The following DNAH14 variants were observed in gnomAD, a reference collection of about 807,000 sequenced individuals.
DNAH14 encodes axonemal beta dynein heavy chain 14.
A neutral mutation model predicts 520.9 loss-of-function variants in DNAH14; 478 were observed. The ratio of observed to expected loss-of-function variants is 0.92; its 90% confidence interval spans 0.85 to 0.99. The LOEUF (loss-of-function observed/expected upper bound fraction) is 0.99, where lower values mean the gene tolerates loss of function less well. DNAH14 is among the 50% of genes least tolerant of loss of function. DNAH14 has a pLI of 0.00. For missense variants in DNAH14, 4,831 were observed against 5,234.5 expected, an observed-to-expected ratio of 0.92 and a Z score of 2.38; for synonymous variants, 1,581 against 1,757.2, an observed-to-expected ratio of 0.90 and a Z score of 2.51.
chr1:225,282,476 A>G (rs924527874), intron 54 of DNAH14, among the ~76,000 whole-genome samples: 1 of 152,226 alleles, frequency 6.6e-6, no homozygotes, highest in Non-Finnish European at 1.5e-5. Context: ...AGGTTCCCCC[A>G]TAAGAAGGCC....
chr1:225,299,538 C>T (rs1032767281), intron 55 of DNAH14, among the ~76,000 whole-genome samples: 1 of 152,116 alleles, frequency 6.6e-6, no homozygotes, highest in African/African-American at 2.4e-5. Context: ...TCTGTTGATC[C>T]AGTTGAGGTT....
intron 21 of DNAH14, among the ~76,000 whole-genome samples, chr1:225,095,137 C>T (rs1253758727): frequency 1.3e-5 from 2 of 152,034 alleles, no homozygotes; most frequent in Admixed American, 6.6e-5. Context: ...CCTAGCAATC[C>T]CATTATTGAG....
chr1:225,158,400 A>G (rs566866034), intron 34 of DNAH14, among the ~76,000 whole-genome samples: 8 of 152,296 alleles, frequency 5.3e-5, no homozygotes, highest in African/African-American at 1.9e-4. Context: ...AGATATTCTC[A>G]GTACTGCAGT....
At chr1:225,197,098 G>A (rs527947525) in intron 38 of DNAH14, among the ~76,000 whole-genome samples, 1 of 152,176 alleles carries the variant, frequency 6.6e-6, no homozygotes, top group East Asian at 1.9e-4. Flanking sequence ...TGGGTTCTTG[G>A]TCATGAAATC....
At chr1:225,084,343 C>T (rs565693591) in intron 20 of DNAH14, among the ~76,000 whole-genome samples, 1 of 152,156 alleles carries the variant, frequency 6.6e-6, no homozygotes, top group East Asian at 1.9e-4. Context: ...AATGTAGATG[C>T]CAAAATGGAC....
At chr1:225,188,290 T>C (rs998945954) in intron 37 of DNAH14, among the ~76,000 whole-genome samples, 2 of 151,912 alleles carry the variant, frequency 1.3e-5, no homozygotes, top group Admixed American at 1.3e-4. Flanking sequence ...ATCATTCACC[T>C]TAGTTCATCT....
At chr1:225,252,488 A>C (rs2092591234) in intron 44 of DNAH14, 71 bp downstream of exon 44, 1 of 817,644 alleles carries the variant, frequency 1.2e-6, no homozygotes, top group African/African-American at 1.7e-5. Context: ...AAAAGTAATT[A>C]TATCTACTCT....
At chr1:225,186,976 T>C (rs2084841303) in intron 37 of DNAH14, among the ~76,000 whole-genome samples, 1 of 151,868 alleles carries the variant, frequency 6.6e-6, no homozygotes, top group Non-Finnish European at 1.5e-5. Flanking sequence ...TTCAAGACCT[T>C]CTCTTTATTT....
At position 225,116,959 on chromosome 1, in the gene DNAH14, A is replaced by C. The variant is rs548475657; in HGVS notation, c.3868-725A>C. 9.8e-5 allele frequency among the ~76,000 whole-genome samples: 15 copies of C among 152,296 alleles called. No individual in the cohort carries two copies. In the South Asian group the frequency reaches 2.9e-3, roughly 29 times the overall value. On this transcript the variant is annotated intron_variant, in intron 23 of 85. Transcript: ENST00000682510. ...TTCAAGAACTTCGTGGAGAGAAGAC[A>C]AGCAAGTAGACAGTAGCTAAAGGAG...
At chr1:225,307,317 C>T in intron 58 of DNAH14, 144 bp from the exon 59 acceptor site, 1 of 607,856 alleles carries the variant, frequency 1.6e-6, no homozygotes, top group South Asian at 2.5e-5. Context: ...TATTGATTGA[C>T]TTTCAAATAG....
At chr1:225,041,954 A>C (rs2067517972) in intron 12 of DNAH14, among the ~76,000 whole-genome samples, 1 of 152,178 alleles carries the variant, frequency 6.6e-6, no homozygotes, top group Non-Finnish European at 1.5e-5. Context: ...TATTAGGTAC[A>C]TTCAGTGTTA....
chr1:225,176,903 T>C (rs1036365859), intron 36 of DNAH14, among the ~76,000 whole-genome samples: 2 of 152,152 alleles, frequency 1.3e-5, no homozygotes, highest in Non-Finnish European at 1.5e-5. Flanking sequence ...TGCAGTAAAC[T>C]GGTACCAGTA....
chr1:224,971,148 T>C (rs1308790427), intron 7 of DNAH14, among the ~76,000 whole-genome samples: 4 of 152,178 alleles, frequency 2.6e-5, no homozygotes, highest in African/African-American at 7.2e-5. Context: ...TCACATCACA[T>C]TAGGATTCTC....
Position 225,392,444 on chromosome 1 carries a change from C to T in DNAH14, c.13484C>T (p.Ala4495Val), listed in dbSNP as rs2095930299. Residue 4495 changes from alanine (A) to valine (V), a missense_variant, in exon 84 of 86, where the codon GCG becomes GTG. Coordinates refer to ENST00000682510, the MANE Select transcript of DNAH14 (RefSeq NM_001367479.1). ...AAGAAACTCAACATAGTCAGGAGAG[C>T]GTTTAAGGTACTGGAATACTTCAAG... ...MPKKLNIVRR[A>V]FKGSASSHTG... The T allele has an allele frequency of 4.5e-6, 7 of 1,551,642 alleles. No individual in the cohort carries two copies. The highest frequency in any genetic ancestry group is 2.4e-5 in the South Asian group (2 of 84,038).
At chr1:225,234,181 G>A (rs1191635437) in intron 42 of DNAH14, among the ~76,000 whole-genome samples, 2 of 152,042 alleles carry the variant, frequency 1.3e-5, no homozygotes, top group Non-Finnish European at 2.9e-5. Flanking sequence ...TGTTGTTTTG[G>A]TTACTGTAGC....
At chr1:225,235,896 A>G (rs2091540641) in intron 42 of DNAH14, among the ~76,000 whole-genome samples, 1 of 152,072 alleles carries the variant, frequency 6.6e-6, no homozygotes, top group Admixed American at 6.6e-5. Context: ...TCCCCTTATC[A>G]TTTCTGATTG....
chr1:225,305,730 G>T (rs938609187), intron 58 of DNAH14, among the ~76,000 whole-genome samples: 1 of 152,150 alleles, frequency 6.6e-6, no homozygotes, highest in Non-Finnish European at 1.5e-5. Flanking sequence ...CCTATATGGA[G>T]ACATGAAGGG....
At chr1:224,939,608 C>T (rs2489305) in intron 1 of DNAH14, among the ~76,000 whole-genome samples, 14,498 of 151,926 alleles carry the variant, frequency 0.095, 2,219 homozygotes, top group African/African-American at 0.33. Flanking sequence ...GGCGTGAACC[C>T]GGGAGGTGGA....
intron 27 of DNAH14, among the ~76,000 whole-genome samples, chr1:225,124,685 A>T (rs1304639704): frequency 6.6e-6 from 1 of 152,172 alleles, no homozygotes; most frequent in Non-Finnish European, 1.5e-5. Context: ...AAAGTCGTCC[A>T]TGAGAGTTGA....
Sources: allele counts gnomAD v4.1 joint callset (sites outside exome capture counted in the v4.1 genomes callset), GRCh38; gene constraint gnomAD v4.1.1; transcripts MANE v1.5; gene names NCBI Gene and HGNC (gene_info 2026-07-23, HGNC 2026-07-21).